The following STK24 variants were observed in gnomAD, a reference collection of about 807,000 sequenced individuals.
The protein encoded by STK24 is serine/threonine kinase 24, also known as serine/threonine-protein kinase 24.
In STK24, 21 loss-of-function variants were observed where a neutral mutation model predicts 55.6. That is an observed-to-expected ratio of 0.38 (90% CI 0.27 to 0.54). STK24 has a LOEUF of 0.54. STK24 is among the 20% of genes least tolerant of loss of function. The probability of loss-of-function intolerance (pLI) is 0.79; values close to 1 mark genes in which losing one functional copy is unlikely to be tolerated. For synonymous variants in STK24, 200 were observed against 215.2 expected (o/e 0.93, Z 0.62); for missense variants, 383 against 538.4 (o/e 0.71, Z 2.86).
At chr13:98,559,152 C>A (rs958900639) in intron 1 of STK24, among the ~76,000 whole-genome samples, 1 of 151,672 alleles carries the variant, frequency 6.6e-6, no homozygotes, top group Non-Finnish European at 1.5e-5. Context: ...CCAGCCTGGG[C>A]AACAAGAGCG....
At chr13:98,463,147 G>A (rs1378700936) in intron 7 of STK24, among the ~76,000 whole-genome samples, 3 of 152,072 alleles carry the variant, frequency 2.0e-5, no homozygotes, top group Non-Finnish European at 2.9e-5. Context: ...TCCCACGCTC[G>A]GACTTCCAGA....
rs11840259 is a variant in STK24, at chr13:98,448,849, T to C, written c.*4324A>G. On this transcript the variant is annotated 3_prime_UTR_variant, in exon 11 of 11. Transcript: ENST00000539966. The stretch of plus-strand genomic sequence containing the variant: ...TACTTTTGTAATAATAGGAAGTTAG[T>C]AGGACTCACTTCTCTGATTAATAAG... 6.6e-6 allele frequency: 1 copy of C among 152,534 alleles called. No homozygotes were observed. The highest frequency in any genetic ancestry group is 2.1e-4 in the South Asian group (1 of 4,848). 9.4% of individuals were successfully genotyped at this position (152,534 alleles called of 1,614,324 possible). A position where few individuals can be genotyped will look rare whatever the true frequency, so the allele number is the denominator to read the frequency against.
chr13:98,559,720 A>C (rs545099503), intron 1 of STK24, among the ~76,000 whole-genome samples: 2 of 152,312 alleles, frequency 1.3e-5, no homozygotes, highest in East Asian at 3.9e-4. Context: ...TTTCTCACAA[A>C]AGTTAAATCA....
chr13:98,487,936 C>T (rs1894866468), intron 2 of STK24, among the ~76,000 whole-genome samples: 1 of 152,086 alleles, frequency 6.6e-6, no homozygotes, highest in Non-Finnish European at 1.5e-5. Flanking sequence ...CTAATTTCCC[C>T]CTTTCCCATG....
At chr13:98,510,985 CG>C (rs1373942610) in intron 2 of STK24, among the ~76,000 whole-genome samples, 13 of 152,168 alleles carry the variant, frequency 8.5e-5, no homozygotes, top group Non-Finnish European at 1.5e-4. Flanking sequence ...AACAACCACA[CG>C]GTAGTATTTT....
intron 1 of STK24, among the ~76,000 whole-genome samples, chr13:98,537,677 A>T (rs1004531908): frequency 2.0e-5 from 3 of 152,086 alleles, no homozygotes; most frequent in African/African-American, 7.2e-5. Flanking sequence ...AAGCAAGAGG[A>T]GGTGGCGATC....
intron 6 of STK24, among the ~76,000 whole-genome samples, chr13:98,464,124 C>T (rs1469415595): frequency 2.6e-5 from 4 of 152,158 alleles, no homozygotes; most frequent in Admixed American, 6.5e-5. Flanking sequence ...TTTAAGAGAG[C>T]TTAAATGATC....
At chr13:98,469,814 A>G (rs1894074707) in intron 5 of STK24, among the ~76,000 whole-genome samples, 1 of 152,174 alleles carries the variant, frequency 6.6e-6, no homozygotes, top group Admixed American at 6.5e-5. Flanking sequence ...ACATCTAACT[A>G]TGAGTAATTT....
At chr13:98,457,801 G>A (rs1193161474) in intron 9 of STK24, among the ~76,000 whole-genome samples, 1 of 152,140 alleles carries the variant, frequency 6.6e-6, no homozygotes, top group Non-Finnish European at 1.5e-5. Context: ...TGATTCAAAT[G>A]CTCTGAGAGC....
intron 1 of STK24, among the ~76,000 whole-genome samples, chr13:98,531,493 T>A (rs1896578442): frequency 6.6e-6 from 1 of 152,086 alleles, no homozygotes. Flanking sequence ...ATTTCCACTA[T>A]CAGGACAGCA....
At chr13:98,563,961 A>C (rs1211443174) in intron 1 of STK24, among the ~76,000 whole-genome samples, 6 of 152,204 alleles carry the variant, frequency 3.9e-5, no homozygotes, top group Admixed American at 2.0e-4. Flanking sequence ...CAACAACCCC[A>C]AAACCCTCAA....
chr13:98,466,215 T>C (rs1893919312), intron 6 of STK24, among the ~76,000 whole-genome samples, 161 bp downstream of exon 6: 2 of 152,150 alleles, frequency 1.3e-5, no homozygotes, highest in Non-Finnish European at 2.9e-5. Context: ...TTAAAATGTA[T>C]TTGCAAACCA....
chr13:98,534,833 A>G (rs1896668359), intron 1 of STK24, among the ~76,000 whole-genome samples: 1 of 152,226 alleles, frequency 6.6e-6, no homozygotes, highest in Non-Finnish European at 1.5e-5. Flanking sequence ...ATCCTTAAAA[A>G]TCCCAATCTC....
intron 2 of STK24, among the ~76,000 whole-genome samples, chr13:98,487,996 T>C (rs1440153025): frequency 6.6e-6 from 1 of 152,134 alleles, no homozygotes; most frequent in African/African-American, 2.4e-5. Context: ...GTCATTTTTA[T>C]GGACTGAATT....
chr13:98,449,657 CGT>C lies in STK24; in HGVS notation c.*3514_*3515del, dbSNP rs1239977744. 1.3e-5 allele frequency: 2 copies of C among 152,568 alleles called. No individual in the cohort carries two copies. Among genetic ancestry groups the C allele is most frequent in the Non-Finnish European group, 2.9e-5 (2 of 68,040 alleles). The allele number at this position is 152,568 out of a possible 1,614,324, so 9.5% of individuals were successfully genotyped here. On this transcript the variant is annotated 3_prime_UTR_variant, in exon 11 of 11. Transcript: ENST00000539966. ...ACTTGCAAACGGACGAAGAGCCTGC[CGT>C]GTGTTAATCATTTGCCTTACAAGAT...
intron 1 of STK24, among the ~76,000 whole-genome samples, chr13:98,574,651 CTAAAACTG>C (rs1328509239): frequency 6.6e-6 from 1 of 152,226 alleles, no homozygotes; most frequent in Non-Finnish European, 1.5e-5. Flanking sequence ...TTACCTACCT[CTAAAACTG>C]TAAAACTGTA....
chr13:98,470,747 C>T (rs1281584612), intron 5 of STK24, among the ~76,000 whole-genome samples: 1 of 152,158 alleles, frequency 6.6e-6, no homozygotes, highest in Non-Finnish European at 1.5e-5. Context: ...CCTACATCTT[C>T]ACAATATCAT....
intron 1 of STK24, 70 bp downstream of exon 1, chr13:98,576,675 T>G: frequency 1.5e-6 from 2 of 1,321,124 alleles, no homozygotes; most frequent in South Asian, 2.7e-5. Flanking sequence ...GGGGACGCCG[T>G]GTGGATACCG....
At chr13:98,509,670 C>T (rs1895811352) in intron 2 of STK24, among the ~76,000 whole-genome samples, 1 of 152,204 alleles carries the variant, frequency 6.6e-6, no homozygotes, top group African/African-American at 2.4e-5. Context: ...CCAAAAGGCC[C>T]AGCTCGCTGG....
Sources: allele counts gnomAD v4.1 joint callset (sites outside exome capture counted in the v4.1 genomes callset), GRCh38; gene constraint gnomAD v4.1.1; transcripts MANE v1.5; gene names NCBI Gene and HGNC (gene_info 2026-07-23, HGNC 2026-07-21).